Variants in RBFOX3 observed in about 807,000 individuals in gnomAD.
RBFOX3 encodes RNA binding fox-1 homolog 3, also known as RNA binding protein fox-1 homolog 3.
A neutral mutation model predicts 48.7 loss-of-function variants in RBFOX3; 17 were observed. That is an observed-to-expected ratio of 0.35 (90% CI 0.24 to 0.52). RBFOX3 has a LOEUF of 0.52. Among genes scored for constraint, RBFOX3 ranks in the 20% least tolerant of loss-of-function variants. The probability of loss-of-function intolerance (pLI) is 0.94; values close to 1 mark genes in which losing one functional copy is unlikely to be tolerated. For synonymous variants in RBFOX3, 212 were observed against 209.5 expected (o/e 1.01, Z -0.10); for missense variants, 382 against 497.5 (o/e 0.77, Z 2.21).
intron 2 of RBFOX3, among the ~76,000 whole-genome samples, chr17:79,370,639 CAT>C (rs2058409380): frequency 6.6e-6 from 1 of 151,860 alleles, no homozygotes; most frequent in South Asian, 2.1e-4. Flanking sequence ...CACTAACATA[CAT>C]ACATATGTGT....
At position 79,214,728 on chromosome 17, in the gene RBFOX3, C is replaced by T. The variant is rs999337153; in HGVS notation, c.-34+21038G>A. On this transcript the variant is annotated intron_variant, in intron 4 of 14. Transcript: ENST00000693108. The surrounding 1 kb of genome is among the most constrained non-coding windows in gnomAD (Gnocchi z 4.7). ...GAGGGGAGGCTGGAGGCCCAGGGGC[C>T]CCCAGCTACTAGACGGCCCTAGGAA... Among the ~76,000 whole-genome samples, 4 of 151,830 alleles carry T rather than the reference C, an allele frequency of 2.6e-5. No homozygotes were observed. Among genetic ancestry groups the T allele is most frequent in the African/African-American group, 9.7e-5 (4 of 41,342 alleles).
rs139882890 is a variant in RBFOX3, at chr17:79,245,355, C to T, written c.-73-9550G>A. On this transcript the variant is annotated intron_variant, in intron 3 of 14. Coordinates refer to ENST00000693108, the MANE Select transcript of RBFOX3 (RefSeq NM_001350451.2). ...CACACAATTGGACCCCGAGAAAGACCGTTCAGACCAAAGGACCCCAGGAAA... is the reference window on the plus strand; with the variant it reads ...CACACAATTGGACCCCGAGAAAGACTGTTCAGACCAAAGGACCCCAGGAAA... Among the ~76,000 whole-genome samples, 196 of 152,256 alleles carry T rather than the reference C, an allele frequency of 1.3e-3. 5 individuals are homozygous for T. In the East Asian group the frequency reaches 0.024, roughly 19 times the overall value.
the RBFOX3 span, among the ~76,000 whole-genome samples, chr17:79,655,898 G>A: frequency 9.9e-5 from 15 of 152,138 alleles, no homozygotes; most frequent in Non-Finnish European, 7.4e-5. Flanking sequence ...TGCCCGACCC[G>A]CCTGACCCAT....
At chr17:79,555,494 T>C (rs1169281798) in intron 1 of RBFOX3, among the ~76,000 whole-genome samples, 1 of 124,070 alleles carries the variant, frequency 8.1e-6, no homozygotes, top group Non-Finnish European at 1.6e-5. Context: ...GTGATGACAG[T>C]GGTGGTGGTG....
chr17:79,645,197 ATTC>A, the RBFOX3 span, among the ~76,000 whole-genome samples: 3 of 152,086 alleles, frequency 2.0e-5, no homozygotes, highest in African/African-American at 7.2e-5. Context: ...CCTTTCGCTT[ATTC>A]TTCTTTCGCT....
At chr17:79,425,697 G>A (rs2067229021) in intron 2 of RBFOX3, among the ~76,000 whole-genome samples, 1 of 152,192 alleles carries the variant, frequency 6.6e-6, no homozygotes, top group African/African-American at 2.4e-5. Context: ...GAAGACAGGA[G>A]GGCCACGAAT....
intron 5 of RBFOX3, among the ~76,000 whole-genome samples, chr17:79,108,144 C>T (rs139202463): frequency 9.8e-5 from 15 of 152,360 alleles, no homozygotes; most frequent in Admixed American, 8.5e-4. Context: ...AGACCACACA[C>T]GGAGAACCCC....
intron 2 of RBFOX3, among the ~76,000 whole-genome samples, chr17:79,472,720 C>A (rs974007389): frequency 7.6e-4 from 116 of 152,342 alleles, no homozygotes; most frequent in African/African-American, 2.7e-3. Flanking sequence ...CCTCCCACAT[C>A]TCATGACCAC....
chr17:79,161,179 T>C (rs2145316152), intron 4 of RBFOX3, among the ~76,000 whole-genome samples: 1 of 152,032 alleles, frequency 6.6e-6, no homozygotes, highest in East Asian at 2.0e-4. Context: ...CCTGAGGCAC[T>C]CAGGGGAGGC....
chr17:79,591,845 G>T (rs12949916), intron 1 of RBFOX3, among the ~76,000 whole-genome samples: 9 of 151,222 alleles, frequency 6.0e-5, no homozygotes, highest in African/African-American at 2.2e-4. Flanking sequence ...TGTGTGGAGG[G>T]GTGTGCACGT....
rs1435617208 is a variant in RBFOX3 at position 79,111,899 on chromosome 17, TC to T, written c.222+3594del. 6.6e-6 allele frequency among the ~76,000 whole-genome samples: 1 copy of T among 152,178 alleles called. No homozygotes were observed. The highest frequency in any genetic ancestry group is 6.5e-5 in the Admixed American group (1 of 15,280). On this transcript the variant is annotated intron_variant, in intron 5 of 14. Coordinates refer to ENST00000693108, the MANE Select transcript of RBFOX3 (RefSeq NM_001350451.2). The surrounding 1 kb of genome is among the most constrained non-coding windows in gnomAD (Gnocchi z 4.2). ...TAGTGAGATGGGGTCCCCCGGTCCT[TC>T]CGCAGCCCCTCATCGCACTCTGTAC... is the stretch of plus-strand genomic sequence containing the variant.
At chr17:79,445,876 A>G (rs2072161944) in intron 2 of RBFOX3, among the ~76,000 whole-genome samples, 1 of 152,152 alleles carries the variant, frequency 6.6e-6, no homozygotes, top group Non-Finnish European at 1.5e-5. Flanking sequence ...TGACTGGTGG[A>G]CCTAGGGCAG....
chr17:79,350,925 C>T (rs1160352335), intron 2 of RBFOX3, among the ~76,000 whole-genome samples: 2 of 152,344 alleles, frequency 1.3e-5, no homozygotes, highest in East Asian at 3.9e-4. Context: ...CACCTTTTCC[C>T]CTCCCTGGCA....
chr17:79,096,823 G>T lies in RBFOX3; in HGVS notation c.766C>A (p.Gln256Lys). The stretch of plus-strand genomic sequence containing the variant: ...GGGACTGGCATTTTAACAAGCGTTT[G>T]CTCCAGTGCCCTGTTTTGGTATAAC... ...PIPTYGAALE[Q>K]TLVKMPVPWA... The change falls in exon 12 of 15, where the codon CAA becomes AAA. Residue 256 changes from glutamine to lysine, a missense_variant. Gln to Lys is a moderately conservative substitution (Grantham distance 53). Around this residue, in one of 3 missense-constraint regions of RBFOX3, gnomAD observed 215 missense variants for 254.8 expected, o/e 0.84. Coordinates refer to ENST00000693108, the MANE Select transcript of RBFOX3 (RefSeq NM_001350451.2). 1.3e-6 allele frequency: 1 copy of T among 784,326 alleles called. No homozygotes were observed. The highest frequency in any genetic ancestry group is 2.2e-6 in the Non-Finnish European group (1 of 455,860). The allele number at this position is 784,326 out of a possible 1,614,324, so 48.6% of individuals were successfully genotyped here.
At chr17:79,193,285 GA>G (rs1455350138) in intron 4 of RBFOX3, among the ~76,000 whole-genome samples, 1 of 152,180 alleles carries the variant, frequency 6.6e-6, no homozygotes. Flanking sequence ...TGGGGGCAGG[GA>G]ATGTGCCTAT....
intron 1 of RBFOX3, among the ~76,000 whole-genome samples, chr17:79,506,991 C>T (rs2083240106): frequency 6.6e-6 from 1 of 152,204 alleles, no homozygotes; most frequent in South Asian, 2.1e-4. Flanking sequence ...CAAGCATCTG[C>T]CTGAGAAATC....
intron 1 of RBFOX3, among the ~76,000 whole-genome samples, chr17:79,550,563 G>A (rs1043765848): frequency 9.9e-5 from 15 of 152,170 alleles, no homozygotes; most frequent in Admixed American, 3.3e-4. Flanking sequence ...AATCATTTAC[G>A]GAATGACGGA....
intron 3 of RBFOX3, among the ~76,000 whole-genome samples, chr17:79,264,439 A>C (rs1427746813): frequency 6.6e-6 from 1 of 151,848 alleles, no homozygotes; most frequent in African/African-American, 2.4e-5. Context: ...TCCTGGGCTC[A>C]AGCGATTCTC....
At chr17:79,568,886 C>T (rs1162750742) in intron 1 of RBFOX3, among the ~76,000 whole-genome samples, 2 of 152,122 alleles carry the variant, frequency 1.3e-5, no homozygotes, top group Non-Finnish European at 2.9e-5. Context: ...AGCGAGACCC[C>T]TGCCGCCCCA....
Sources: gnomAD v4.1 joint callset for allele counts (sites outside exome capture counted in the v4.1 genomes callset) on GRCh38, gnomAD v4.1.1 for gene constraint, gnomAD v4.1.1 regional missense constraint, Gnocchi (gnomAD v3.1) non-coding constraint, MANE v1.5 for transcripts, NCBI Gene and HGNC (gene_info 2026-07-23, HGNC 2026-07-21) for gene names.